The following MAPK10 variants were observed in gnomAD, a reference collection of about 807,000 sequenced individuals.
MAPK10 encodes the protein mitogen-activated protein kinase 10, also known as JNK3 alpha protein kinase.
Under a neutral mutation model 59.3 loss-of-function variants are expected in MAPK10, and 25 were observed. That is an observed-to-expected ratio of 0.42 (90% CI 0.31 to 0.59). MAPK10 has a LOEUF of 0.59. MAPK10 is among the 20% of genes least tolerant of loss of function. The pLI is 0.15. For missense variants in MAPK10, 351 were observed against 568.9 expected (o/e 0.62, Z 3.90); for synonymous variants, 190 against 200.5 (o/e 0.95, Z 0.44).
intron 9 of MAPK10, among the ~76,000 whole-genome samples, chr4:86,085,982 C>G (rs1442849611): frequency 2.6e-5 from 4 of 152,016 alleles, no homozygotes; most frequent in African/African-American, 9.7e-5. Flanking sequence ...CACATGGACA[C>G]AGGGAGGGGA....
At chr4:86,310,656 T>C (rs548335208) in intron 2 of MAPK10, among the ~76,000 whole-genome samples, 5 of 152,302 alleles carry the variant, frequency 3.3e-5, no homozygotes, top group African/African-American at 1.2e-4. Context: ...CTGGCAGCCT[T>C]GAAACCTATT....
At chr4:86,432,871 G>A (rs1052141503) in intron 1 of MAPK10, among the ~76,000 whole-genome samples, 1 of 152,168 alleles carries the variant, frequency 6.6e-6, no homozygotes, top group African/African-American at 2.4e-5. Context: ...AAAGCATAAA[G>A]TTCTTCTGGG....
chr4:86,494,342 C>A (rs1229528699), intron 1 of MAPK10, among the ~76,000 whole-genome samples: 1 of 152,180 alleles, frequency 6.6e-6, no homozygotes, highest in Admixed American at 6.5e-5. Context: ...CAGGGAAACT[C>A]TAGGTAAACA....
intron 1 of MAPK10, among the ~76,000 whole-genome samples, chr4:86,406,001 T>G (rs763602952): frequency 7.2e-5 from 11 of 152,304 alleles, no homozygotes; most frequent in Middle Eastern, 3.4e-3. Context: ...GAGCACTGTC[T>G]GCTATGATTA....
chr4:86,581,920 TATATATATATA>T (rs1456584580), intron 1 of MAPK10, among the ~76,000 whole-genome samples: 1 of 116,620 alleles, frequency 8.6e-6, no homozygotes, highest in African/African-American at 3.1e-5. Context: ...TATATATATA[TATATATATATA>T]TATATATATA....
At chr4:86,437,017 C>A (rs535477087) in intron 1 of MAPK10, among the ~76,000 whole-genome samples, 3 of 151,984 alleles carry the variant, frequency 2.0e-5, no homozygotes, top group African/African-American at 7.3e-5. Context: ...TCGAGACCAT[C>A]CTGGCTAACA....
intron 2 of MAPK10, among the ~76,000 whole-genome samples, chr4:86,263,675 A>G (rs929304757): frequency 1.3e-5 from 2 of 152,202 alleles, no homozygotes; most frequent in East Asian, 1.9e-4. Context: ...TTGAATTTCA[A>G]TTTGACCACT....
chr4:86,388,762 T>C (rs1410004474), intron 1 of MAPK10, among the ~76,000 whole-genome samples: 1 of 152,082 alleles, frequency 6.6e-6, no homozygotes, highest in East Asian at 1.9e-4. Context: ...TATTAATAAA[T>C]AATAGAAATT....
chr4:86,398,095 G>A (rs1454035215), intron 1 of MAPK10, among the ~76,000 whole-genome samples: 2 of 151,816 alleles, frequency 1.3e-5, no homozygotes, highest in Non-Finnish European at 2.9e-5. Flanking sequence ...AGAGACAGGC[G>A]CACAGGCAGG....
intron 9 of MAPK10, among the ~76,000 whole-genome samples, chr4:86,082,765 C>T (rs780987582): frequency 5.9e-5 from 9 of 152,134 alleles, no homozygotes; most frequent in Non-Finnish European, 1.3e-4. Flanking sequence ...GCTCTCTACT[C>T]AGGGGGTTGG....
At chr4:86,266,548 TCTACCA>T (rs1236167674) in intron 2 of MAPK10, among the ~76,000 whole-genome samples, 1 of 152,166 alleles carries the variant, frequency 6.6e-6, no homozygotes, top group Non-Finnish European at 1.5e-5. Flanking sequence ...TCCTACTTTC[TCTACCA>T]CTACAAGTCA....
Position 86,159,462 on chromosome 4 carries a change from G to A in MAPK10, c.72C>T (p.Phe24=). The A allele has an allele frequency of 3.1e-6, 5 of 1,606,136 alleles. No homozygotes were observed. The highest frequency in any genetic ancestry group is 1.1e-5 in the South Asian group (1 of 89,908). The change falls in exon 4 of 14, where the codon TTC becomes TTT. Residue 24 remains phenylalanine, a synonymous_variant. Transcript: ENST00000641462. The part of the protein sequence containing the change: ...LDVKIAFCQG[F]DKQVDVSYIA... Reference sequence around the variant, plus strand: ...TATATGACACATCCACTTGTTTATCGAATCCCTGTCAAAAAGAAGAACAGC... The same window carrying A: ...TATATGACACATCCACTTGTTTATCAAATCCCTGTCAAAAAGAAGAACAGC...
chr4:86,374,376 G>A (rs529703397), intron 1 of MAPK10, among the ~76,000 whole-genome samples: 20 of 152,150 alleles, frequency 1.3e-4, no homozygotes, highest in Admixed American at 1.1e-3. Context: ...TGCACGTTCT[G>A]CACATGTATC....
chr4:86,145,781 CTCTCTT>C (rs1230535773), intron 4 of MAPK10, among the ~76,000 whole-genome samples: 9 of 152,092 alleles, frequency 5.9e-5, no homozygotes, highest in Admixed American at 5.9e-4. Flanking sequence ...CAGAGCCTCT[CTCTCTT>C]TCTGTTTTTC....
intron 1 of MAPK10, among the ~76,000 whole-genome samples, chr4:86,464,234 C>T (rs566702026): frequency 1.3e-5 from 2 of 152,142 alleles, no homozygotes; most frequent in Non-Finnish European, 2.9e-5. Context: ...TGGATTTTCC[C>T]TAAAATAACT....
At chr4:86,502,714 C>G (rs901992333) in intron 1 of MAPK10, among the ~76,000 whole-genome samples, 1 of 152,082 alleles carries the variant, frequency 6.6e-6, no homozygotes, top group Non-Finnish European at 1.5e-5. Context: ...TTAATATTCT[C>G]TTTGGTACAT....
intron 2 of MAPK10, among the ~76,000 whole-genome samples, chr4:86,289,537 T>A (rs747258934): frequency 6.6e-6 from 1 of 151,210 alleles, no homozygotes; most frequent in Non-Finnish European, 1.5e-5. Flanking sequence ...GATATGTTAA[T>A]ATATGATAAA....
At chr4:86,118,703 T>G (rs1300756619) in intron 4 of MAPK10, among the ~76,000 whole-genome samples, 4 of 152,164 alleles carry the variant, frequency 2.6e-5, no homozygotes, top group Non-Finnish European at 5.9e-5. Context: ...ACAAATGTTC[T>G]TCTTCCTAAG....
chr4:86,464,795 G>C (rs1752050204), intron 1 of MAPK10, among the ~76,000 whole-genome samples: 1 of 151,244 alleles, frequency 6.6e-6, no homozygotes, highest in African/African-American at 2.4e-5. Context: ...ACTCCAGGCT[G>C]GGCAACAGAG....
Sources: allele counts gnomAD v4.1 joint callset (sites outside exome capture counted in the v4.1 genomes callset), GRCh38; gene constraint gnomAD v4.1.1; transcripts MANE v1.5; gene names NCBI Gene and HGNC (gene_info 2026-07-23, HGNC 2026-07-21).